The following SGSM1 variants were observed in gnomAD, a reference collection of about 807,000 sequenced individuals.
SGSM1 encodes RUN and TBC1 domain containing 2.
A neutral mutation model predicts 133.8 loss-of-function variants in SGSM1; 73 were observed. The ratio of observed to expected loss-of-function variants is 0.55; its 90% CI spans 0.45 to 0.66. The LOEUF (loss-of-function observed/expected upper bound fraction) is 0.66. Ranked by LOEUF, SGSM1 falls within the 30% of genes least tolerant of loss-of-function variation. The pLI is 0.00. For synonymous variants in SGSM1, 563 were observed against 573.0 expected (o/e 0.98, Z 0.25); for missense variants, 1,213 against 1,448.1 (o/e 0.84, Z 2.64).
chr22:24,855,427 CTGTG>C lies in SGSM1; in HGVS notation c.669_669+3del. 3 of 1,613,486 alleles carry C rather than the reference CTGTG, an allele frequency of 1.9e-6. No homozygotes were observed. Among genetic ancestry groups the C allele is most frequent in the Middle Eastern group, 1.6e-4 (1 of 6,062 alleles). On this transcript the variant is annotated splice_donor_variant and coding_sequence_variant, in exon 7 of 25. Coordinates refer to ENST00000400358, the MANE Select transcript of SGSM1 (RefSeq NM_001098497.3). LOFTEE classifies it high-confidence loss of function. ...ACTCGCCCACCAAGCGTCCTGCCCT[CTGTG>C]TGAGTGGGGTGGACAGTGGGGCAGT...
Position 24,901,903 on chromosome 22 carries a change from A to C in SGSM1, c.2681A>C (p.Asn894Thr), listed in dbSNP as rs781577061. The C allele has an allele frequency of 8.7e-6, 14 of 1,604,318 alleles. No individual in the cohort carries two copies. Among genetic ancestry groups the C allele is most frequent in the African/African-American group, 5.4e-5 (4 of 74,296 alleles). The change falls in exon 20 of 25, where the codon AAC becomes ACC. Residue 894 changes from asparagine (N) to threonine (T), a missense_variant. Physicochemically the swap from Asn to Thr is moderately conservative, Grantham distance 65. Coordinates refer to ENST00000400358, the MANE Select transcript of SGSM1 (RefSeq NM_001098497.3). ...IEKDVQRCDR[N>T]YWYFTPANLE... is the part of the protein sequence containing the mutation. ...AAGGATGTGCAGAGGTGCGACCGCA[A>C]CTACTGGTACTTCACGCCCGCCAAC...
chr22:24,908,139 T>C (rs945660862), intron 21 of SGSM1, among the ~76,000 whole-genome samples: 5 of 151,972 alleles, frequency 3.3e-5, no homozygotes, highest in Non-Finnish European at 4.4e-5. Context: ...TCTCAACTTA[T>C]GGTGCAAGAA....
intron 9 of SGSM1, among the ~76,000 whole-genome samples, chr22:24,860,917 AAAAAAATATATATATATAT>A (rs1931101387): frequency 9.5e-6 from 1 of 105,378 alleles, no homozygotes; most frequent in African/African-American, 4.6e-5. Flanking sequence ...AAAAAAAAAA[AAAAAAATATATATATATAT>A]ATATATATAT....
intron 2 of SGSM1, among the ~76,000 whole-genome samples, chr22:24,808,548 G>A (rs967515920): frequency 6.6e-6 from 1 of 152,072 alleles, no homozygotes; most frequent in Non-Finnish European, 1.5e-5. Flanking sequence ...ATGTGTCCCT[G>A]AGATGTTTTT....
At chr22:24,855,119 G>A in intron 6 of SGSM1, 56 bp downstream of exon 6, 2 of 1,577,984 alleles carry the variant, frequency 1.3e-6, no homozygotes, top group Non-Finnish European at 1.7e-6. Context: ...AGTCTGAGGG[G>A]CACCTTCTCC....
intron 23 of SGSM1, among the ~76,000 whole-genome samples, chr22:24,918,219 CAT>C (rs1243464790): frequency 6.6e-6 from 1 of 152,060 alleles, no homozygotes; most frequent in African/African-American, 2.4e-5. Flanking sequence ...TAGTATCTGA[CAT>C]GGGCCGGGTG....
At chr22:24,913,243 A>T (rs12158720) in intron 22 of SGSM1, among the ~76,000 whole-genome samples, 3 of 149,334 alleles carry the variant, frequency 2.0e-5, no homozygotes, top group African/African-American at 7.5e-5. Context: ...CAGTGAGCCG[A>T]GATCGAGCCA....
Position 24,806,305 on chromosome 22 carries a change from C to CCTG in SGSM1, c.-21_-20insCTG. 6.9e-7 allele frequency: 1 copy of CCTG among 1,439,310 alleles called. No homozygotes were observed. The highest frequency in any genetic ancestry group is 9.1e-7 in the Non-Finnish European group (1 of 1,099,668). The allele number at this position is 1,439,310 out of a possible 1,614,324, so 89.2% of individuals were successfully genotyped here. A position where few individuals can be genotyped will look rare whatever the true frequency, so the allele number is the denominator to read the frequency against. On this transcript the variant is annotated 5_prime_UTR_variant, in exon 1 of 25. Coordinates refer to ENST00000400358, the MANE Select transcript of SGSM1 (RefSeq NM_001098497.3). ...ACCGCCGCCACCGCCTCCTGGGACTCGGAACGCAGCGCTCGGAGCCATGGC... is the reference window on the plus strand; with the variant it reads ...ACCGCCGCCACCGCCTCCTGGGACTCCTGGGAACGCAGCGCTCGGAGCCATGGC...
chr22:24,830,241 T>C (rs1306505244), intron 2 of SGSM1, among the ~76,000 whole-genome samples: 1 of 152,202 alleles, frequency 6.6e-6, no homozygotes, highest in African/African-American at 2.4e-5. Flanking sequence ...CTGGGAGATA[T>C]AGCCAGTAGC....
intron 2 of SGSM1, among the ~76,000 whole-genome samples, chr22:24,827,887 A>G (rs1332097790): frequency 6.6e-6 from 1 of 151,878 alleles, no homozygotes; most frequent in East Asian, 1.9e-4. Flanking sequence ...CCTGTCCTTT[A>G]TGCTAATTTG....
intron 23 of SGSM1, among the ~76,000 whole-genome samples, chr22:24,919,063 TTTC>T (rs1369915554): frequency 9.2e-6 from 1 of 108,330 alleles, no homozygotes; most frequent in East Asian, 5.9e-4. Flanking sequence ...TTTTTTTTTT[TTTC>T]GAGATGAAGT....
chr22:24,832,273 CT>C (rs1929161086), intron 2 of SGSM1, among the ~76,000 whole-genome samples: 1 of 59,726 alleles, frequency 1.7e-5, no homozygotes, highest in Non-Finnish European at 3.2e-5. Context: ...TAGTAACTCC[CT>C]GGGGGCATAT....
chr22:24,825,869 C>T (rs1168866769), intron 2 of SGSM1, among the ~76,000 whole-genome samples: 2 of 152,164 alleles, frequency 1.3e-5, no homozygotes, highest in African/African-American at 4.8e-5. Flanking sequence ...GTCCTCACCC[C>T]ACCTGCATGG....
rs780661190 is a variant in SGSM1 at position 24,806,472 on chromosome 22, C to T, written c.51C>T (p.Thr17=). 1.3e-6 allele frequency: 2 copies of T among 1,517,834 alleles called. No homozygotes were observed. Among genetic ancestry groups the T allele is most frequent in the South Asian group, 2.5e-5 (2 of 81,004 alleles). 94.0% of individuals were successfully genotyped at this position (1,517,834 alleles called of 1,614,324 possible). The change falls in exon 2 of 25, where the codon ACC becomes ACT. Residue 17 remains threonine, a synonymous_variant. Transcript: ENST00000400358. The part of the protein sequence containing the change: ...EAETRQRLLR[T]VKKEVKQIME... ...AGACCCGACAGAGGCTGCTACGCAC[C>T]GTCAAGAAGGAGGTGGGTGCCGGGG...
intron 12 of SGSM1, among the ~76,000 whole-genome samples, chr22:24,872,867 C>T (rs981517891): frequency 2.0e-5 from 3 of 151,432 alleles, no homozygotes; most frequent in Non-Finnish European, 4.4e-5. Context: ...TTTGGTGAGC[C>T]GAGATTGTGC....
chr22:24,909,966 G>A (rs966274809), intron 21 of SGSM1, among the ~76,000 whole-genome samples: 1 of 152,288 alleles, frequency 6.6e-6, no homozygotes, highest in South Asian at 2.1e-4. Flanking sequence ...AATTATGAAT[G>A]CATAAACAAA....
chr22:24,848,116 T>C (rs1930260480), intron 4 of SGSM1, among the ~76,000 whole-genome samples: 1 of 151,988 alleles, frequency 6.6e-6, no homozygotes, highest in African/African-American at 2.4e-5. Flanking sequence ...TGGCCATCTA[T>C]AGTTATTCAT....
intron 16 of SGSM1, 44 bp from the exon 17 acceptor site, chr22:24,893,387 C>T: frequency 6.2e-7 from 1 of 1,603,414 alleles, no homozygotes; most frequent in Non-Finnish European, 8.5e-7. Context: ...TCCCCAGGCG[C>T]CCCTTTGTTG....
Position 24,808,027 on chromosome 22 carries a change from G to C in SGSM1, c.63+1543G>C, listed in dbSNP as rs540861194. 2.6e-5 allele frequency among the ~76,000 whole-genome samples: 4 copies of C among 151,956 alleles called. No homozygotes were observed. The East Asian group carries it at 7.7e-4, about 29-fold the overall frequency. ...ACATTGGATCCCTCAGAAAGGCCCA[G>C]AAGTTTTCAGCTCAGCCCTTGTATA... On this transcript the variant is annotated intron_variant, in intron 2 of 24. Coordinates refer to ENST00000400358, the MANE Select transcript of SGSM1 (RefSeq NM_001098497.3).
Sources: allele counts gnomAD v4.1 joint callset (sites outside exome capture counted in the v4.1 genomes callset), GRCh38; gene constraint gnomAD v4.1.1; transcripts MANE v1.5; gene names NCBI Gene and HGNC (gene_info 2026-07-23, HGNC 2026-07-21).